CACNA1H: variants seen among roughly 807,000 people sequenced by gnomAD.
CACNA1H encodes voltage-dependent T-type calcium channel subunit alpha-1H.
Under a neutral mutation model 192.5 loss-of-function variants are expected in CACNA1H, and 149 were observed. That is an observed-to-expected ratio of 0.77 (90% CI 0.68 to 0.89). CACNA1H has a LOEUF of 0.89. CACNA1H is among the 40% of genes least tolerant of loss of function. The pLI, the probability that CACNA1H is intolerant of heterozygous loss-of-function variation, is 0.00. For synonymous variants in CACNA1H, 2,202 were observed against 1,475.2 expected (o/e 1.49, Z -11.29); for missense variants, 4,257 against 3,423.5 (o/e 1.24, Z -6.08).
At chr16:1,189,290 G>C (rs1319390845) in intron 2 of CACNA1H, among the ~76,000 whole-genome samples, 2 of 152,006 alleles carry the variant, frequency 1.3e-5, no homozygotes, top group Non-Finnish European at 2.9e-5. Flanking sequence ...GGAGTAGGAA[G>C]GGGGCTTAGC....
At chr16:1,178,249 G>A (rs914615183) in intron 2 of CACNA1H, among the ~76,000 whole-genome samples, 5 of 112,198 alleles carry the variant, frequency 4.5e-5, no homozygotes, top group East Asian at 5.6e-4. Context: ...CTCCTGCCCC[G>A]GCTCCTTGGA....
At chr16:1,209,945 G>A (rs1969224156) in intron 17 of CACNA1H, 90 bp from the exon 18 acceptor site, 1 of 931,836 alleles carries the variant, frequency 1.1e-6, no homozygotes, top group South Asian at 1.5e-5. Context: ...GAAGGTGCTG[G>A]GAGGGGTGGC....
intron 2 of CACNA1H, 143 bp downstream of exon 2, chr16:1,154,179 C>T (rs1283074269): frequency 1.8e-6 from 1 of 542,010 alleles, no homozygotes; most frequent in African/African-American, 2.0e-5. Flanking sequence ...GGGTGCAGGG[C>T]AGGGGCTGGA....
Position 1,221,154 on chromosome 16 carries a change from G to C in CACNA1H, c.*160G>C. 1 of 581,898 alleles carries C rather than the reference G, an allele frequency of 1.7e-6. No homozygotes were observed. Among genetic ancestry groups the C allele is most frequent in the Non-Finnish European group, 2.9e-6 (1 of 341,766 alleles). The allele number at this position is 581,898 out of a possible 1,614,324, so 36.0% of individuals were successfully genotyped here. Reference sequence around the variant, plus strand: ...CCCAGGCCCTGGTTCTCTGCCCAGCGAAGCAGGAGTAGCTGCCGGGCCCCA... The same window carrying C: ...CCCAGGCCCTGGTTCTCTGCCCAGCCAAGCAGGAGTAGCTGCCGGGCCCCA... On this transcript the variant is annotated 3_prime_UTR_variant, in exon 35 of 35. Transcript: ENST00000348261.
intron 2 of CACNA1H, among the ~76,000 whole-genome samples, chr16:1,174,025 G>A (rs1964625202): frequency 6.6e-6 from 1 of 152,208 alleles, no homozygotes; most frequent in Non-Finnish European, 1.5e-5. Flanking sequence ...CACATCATGC[G>A]GGCCTGTGGA....
rs745990247 is a variant in CACNA1H, at chr16:1,210,427, C to T, written c.3903C>T (p.Leu1301=). 65 of 1,608,696 alleles carry T rather than the reference C, an allele frequency of 4.0e-5. No homozygotes were observed. Among genetic ancestry groups the T allele is most frequent in the Non-Finnish European group, 3.4e-5 (40 of 1,178,412 alleles). Residue 1301 remains leucine, a synonymous_variant, in exon 19 of 35, where the codon CTC becomes CTT. Transcript: ENST00000348261. ...ACAAGATGTTTGATCACGTGGTCCT[C>T]GTCTTCATCTTCCTCAACTGCGTCA... is the stretch of plus-strand genomic sequence containing the variant. ...ITHKMFDHVV[L]VFIFLNCVTI... is the part of the protein sequence containing the mutation.
rs990227397 is a variant in CACNA1H, at chr16:1,202,032, C to T, written c.1582C>T (p.His528Tyr). 3.9e-6 allele frequency: 6 copies of T among 1,537,626 alleles called. No homozygotes were observed. In the Admixed American group the frequency reaches 5.9e-5, roughly 15 times the overall value. The change falls in exon 9 of 35, where the codon CAC becomes TAC. Residue 528 changes from histidine (H) to tyrosine (Y), a missense_variant. Physicochemically the swap from His to Tyr is moderately conservative, Grantham distance 83 (BLOSUM62 2). Transcript: ENST00000348261. ...CCACCACCATCACCACCACCACCAC[C>T]ACTACCATTTCAGCCATGGCAGCCC... ...VYHHHHHHHH[H>Y]YHFSHGSPRR...
At chr16:1,159,885 GA>G (rs1164504987) in intron 2 of CACNA1H, 1 of 152,280 alleles carries the variant, frequency 6.6e-6, no homozygotes, top group Non-Finnish European at 1.5e-5. Context: ...TGGCCTGGTG[GA>G]ACGCTCAGGG....
At position 1,210,341 on chromosome 16, in the gene CACNA1H, CCACCTCTCACCCGCCCCCG is replaced by C; in HGVS notation, c.3846-27_3846-9del. 1.0e-6 allele frequency: 1 copy of C among 1,000,452 alleles called. No homozygotes were observed. Among genetic ancestry groups the C allele is most frequent in the Non-Finnish European group, 1.5e-6 (1 of 672,358 alleles). 62.0% of individuals were successfully genotyped at this position (1,000,452 alleles called of 1,614,324 possible). On this transcript the variant is annotated splice_polypyrimidine_tract_variant and intron_variant, in intron 18 of 34. Coordinates refer to ENST00000348261, the MANE Select transcript of CACNA1H (RefSeq NM_021098.3). ...ACTCTGCCATCCACGCCGCCCCGCC[CCACCTCTCACCCGCCCCCG>C]CCCACCCAGGTTCCGCGTCTCCTGC...
intron 5 of CACNA1H, 24 bp downstream of exon 5, chr16:1,196,047 C>CTTGA: frequency 5.0e-6 from 8 of 1,584,926 alleles, no homozygotes; most frequent in Non-Finnish European, 6.9e-6. Flanking sequence ...CCCGACTGGG[C>CTTGA]TTGAGATCAA....
chr16:1,212,231 G>A lies in CACNA1H; in HGVS notation c.4759+93G>A, dbSNP rs370744524. 3.0e-4 allele frequency: 436 copies of A among 1,468,084 alleles called. 1 individual carries two copies. In the African/African-American group the frequency reaches 5.2e-3, roughly 18 times the overall value. The allele number at this position is 1,468,084 out of a possible 1,614,324, so 90.9% of individuals were successfully genotyped here. On this transcript the variant is annotated intron_variant, in intron 25 of 34. Coordinates refer to ENST00000348261, the MANE Select transcript of CACNA1H (RefSeq NM_021098.3). ...CCTCCACTCCCGCCCCGGCCTCCCC[G>A]AATGGCTCTGCACGCCACCCGCCTT...
rs571196625 is a variant in CACNA1H, at chr16:1,217,026, G to A, written c.5323+16G>A. ...GGGAGGCTGGGTGAGTGGCTCCTGC[G>A]CCCTCCTCCTGGCACACATGGGGTC... On this transcript the variant is annotated intron_variant, in intron 31 of 34. Coordinates refer to ENST00000348261, the MANE Select transcript of CACNA1H (RefSeq NM_021098.3). 9.3e-5 allele frequency: 147 copies of A among 1,573,370 alleles called. 1 individual carries two copies. The highest frequency in any genetic ancestry group is 7.9e-4 in the South Asian group (68 of 86,144).
chr16:1,206,618 C>A (rs1032267645), intron 12 of CACNA1H: 7 of 435,280 alleles, frequency 1.6e-5, no homozygotes, highest in Non-Finnish European at 2.9e-5. Context: ...TGCTGTGTGC[C>A]CGTCTAGCCT....
intron 2 of CACNA1H, chr16:1,158,069 G>A (rs981488311): frequency 1.3e-5 from 2 of 152,298 alleles, no homozygotes; most frequent in Non-Finnish European, 2.9e-5. Flanking sequence ...ATTAGTCTCT[G>A]AAGCCACCGA....
At position 1,220,965 on chromosome 16, in the gene CACNA1H, C is replaced by T; in HGVS notation, c.7033C>T (p.Pro2345Ser). 6.2e-7 allele frequency: 1 copy of T among 1,603,126 alleles called. No individual in the cohort carries two copies. The highest frequency in any genetic ancestry group is 8.5e-7 in the Non-Finnish European group (1 of 1,174,786). The change falls in exon 35 of 35, where the codon CCA becomes TCA. Residue 2345 changes from proline to serine, a missense_variant. Physicochemically the swap from Pro to Ser is moderately conservative, Grantham distance 74. Coordinates refer to ENST00000348261, the MANE Select transcript of CACNA1H (RefSeq NM_021098.3). ...AGGGTCCCCCTCAGCCACCCCTGCC[C>T]CAGGGGGTGGTGCAGATGACCCCGT... ...KPGSPSATPA[P>S]GGGADDPV
rs769212952 is a variant in CACNA1H, at chr16:1,204,312, C to G, written c.2305C>G (p.Pro769Ala). The G allele has an allele frequency of 6.3e-7, 1 of 1,599,914 alleles. No homozygotes were observed. The highest frequency in any genetic ancestry group is 1.3e-5 in the African/African-American group (1 of 74,622). Residue 769 changes from proline (P) to alanine (A), a missense_variant, in exon 10 of 35, where the codon CCG becomes GCG. Transcript: ENST00000348261. ...PQRRAQQRAA[P>A]GEPGWMGRLW... ...GCGGCGGGCACAGCAGAGGGCAGCC[C>G]CGGGCGAGCCAGGCTGGATGGGCCG...
rs1963874154 is a variant in CACNA1H, at chr16:1,167,174, G to A, written c.299+13138G>A. Among the ~76,000 whole-genome samples, 1 of 152,190 alleles carries A rather than the reference G, an allele frequency of 6.6e-6. No individual in the cohort carries two copies. Among genetic ancestry groups the A allele is most frequent in the Non-Finnish European group, 1.5e-5 (1 of 68,026 alleles). On this transcript the variant is annotated intron_variant, in intron 2 of 34. Coordinates refer to ENST00000348261, the MANE Select transcript of CACNA1H (RefSeq NM_021098.3). This position sits in a 1 kb window ranked among gnomAD's most constrained non-coding sequence, Gnocchi z 4.2. ...GACCCTTTGGGGCGTCTCCCATCGG[G>A]AAATGGCAGCCCCTGACCTGCCCCG... is the stretch of plus-strand genomic sequence containing the variant.
chr16:1,208,968 C>A (rs1196153739), intron 16 of CACNA1H, 64 bp from the exon 17 acceptor site: 63 of 1,384,538 alleles, frequency 4.6e-5, no homozygotes, highest in Non-Finnish European at 5.5e-5. Flanking sequence ...GTGGGTGCTC[C>A]GTAATGACAG....
At chr16:1,158,946 G>A (rs955716261) in intron 2 of CACNA1H, among the ~76,000 whole-genome samples, 6 of 152,288 alleles carry the variant, frequency 3.9e-5, no homozygotes, top group Admixed American at 2.6e-4. Context: ...CGCTGGGACC[G>A]GGCAGGGGTC....
Sources: allele counts gnomAD v4.1 joint callset (sites outside exome capture counted in the v4.1 genomes callset), GRCh38; gene constraint gnomAD v4.1.1; non-coding constraint Gnocchi (gnomAD v3.1); transcripts MANE v1.5; gene names NCBI Gene and HGNC (gene_info 2026-07-23, HGNC 2026-07-21).